The following MEIS1 variants were observed in gnomAD, a reference collection of about 807,000 sequenced individuals.
MEIS1 encodes the protein Meis homeobox 1.
MEIS1 carries 5 observed loss-of-function variants against 50.8 expected under a neutral mutation model. The ratio of observed to expected loss-of-function variants is 0.10; its 90% confidence interval spans 0.05 to 0.21. The LOEUF (loss-of-function observed/expected upper bound fraction) is 0.21, where lower values mean the gene tolerates loss of function less well. Among genes scored for constraint, MEIS1 ranks in the 10% least tolerant of loss-of-function variants. MEIS1 has a pLI of 1.00. For synonymous variants in MEIS1, 176 were observed against 179.3 expected, an observed-to-expected ratio of 0.98 and a Z score of 0.15; for missense variants, 318 against 517.3, an observed-to-expected ratio of 0.61 and a Z score of 3.74.
chr2:66,511,069 G>A (rs561971364), intron 7 of MEIS1, among the ~76,000 whole-genome samples: 1 of 152,212 alleles, frequency 6.6e-6, no homozygotes, highest in African/African-American at 2.4e-5. Context: ...TTTGGGCCCA[G>A]ATCAACCTGT....
At chr2:66,472,673 G>A (rs1021561851) in intron 7 of MEIS1, among the ~76,000 whole-genome samples, 2 of 152,194 alleles carry the variant, frequency 1.3e-5, no homozygotes, top group South Asian at 2.1e-4. Flanking sequence ...ACACAGCGTG[G>A]TGGGTATTAG....
At chr2:66,563,842 A>T (rs1572907755) in intron 9 of MEIS1, among the ~76,000 whole-genome samples, 2 of 152,182 alleles carry the variant, frequency 1.3e-5, no homozygotes, top group African/African-American at 4.8e-5. Flanking sequence ...CATAATTCCA[A>T]AGAGAGAGGA....
chr2:66,536,504 A>G (rs1290471405), intron 8 of MEIS1, among the ~76,000 whole-genome samples: 1 of 152,254 alleles, frequency 6.6e-6, no homozygotes, highest in East Asian at 1.9e-4. Context: ...TTTGTTATAC[A>G]AAAGAACTGC....
chr2:66,564,918 C>T lies in MEIS1; in HGVS notation c.966-2535C>T, dbSNP rs142359444. On this transcript the variant is annotated intron_variant, in intron 9 of 12. Transcript: ENST00000272369. ...TTGCCACTGAAAGTAATGGCAAGAC[C>T]GCAATTACTTTTGCACCAACATAAA... Among the ~76,000 whole-genome samples the T allele has an allele frequency of 6.0e-3, 915 of 151,580 alleles. 10 individuals are homozygous for T. Among genetic ancestry groups the T allele is most frequent in the African/African-American group, 0.021 (873 of 41,332 alleles).
chr2:66,571,695 G>T lies in MEIS1; in HGVS notation c.*487G>T. On this transcript the variant is annotated 3_prime_UTR_variant, in exon 13 of 13. Transcript: ENST00000272369. Reference sequence around the variant, plus strand: ...GAAATACCAACTGAAGTCAATTTGGGGGACATGCTAAATAACTATATAAGA... The same window carrying T: ...GAAATACCAACTGAAGTCAATTTGGTGGACATGCTAAATAACTATATAAGA... The T allele has an allele frequency of 1.4e-6, 1 of 699,440 alleles. No individual in the cohort carries two copies. The highest frequency in any genetic ancestry group is 2.4e-6 in the Non-Finnish European group (1 of 424,588). The allele number at this position is 699,440 out of a possible 1,614,324, so 43.3% of individuals were successfully genotyped here.
chr2:66,519,637 G>A (rs1674063367), intron 8 of MEIS1, among the ~76,000 whole-genome samples: 1 of 152,058 alleles, frequency 6.6e-6, no homozygotes, highest in South Asian at 2.1e-4. Context: ...ATTGCAAAAC[G>A]CCTTCACTCA....
At chr2:66,557,917 C>T (rs1675108140) in intron 9 of MEIS1, among the ~76,000 whole-genome samples, 1 of 152,158 alleles carries the variant, frequency 6.6e-6, no homozygotes, top group African/African-American at 2.4e-5. Context: ...CTTCTCACTA[C>T]ACACTGCTCT....
chr2:66,450,399 G>A (rs939136), intron 6 of MEIS1, among the ~76,000 whole-genome samples: 1 of 152,026 alleles, frequency 6.6e-6, no homozygotes, highest in South Asian at 2.1e-4. Flanking sequence ...CTTGTGCTGA[G>A]GAGCTGCCAG....
intron 8 of MEIS1, among the ~76,000 whole-genome samples, chr2:66,546,826 T>C (rs1002626102): frequency 2.6e-5 from 4 of 152,154 alleles, no homozygotes; most frequent in Non-Finnish European, 4.4e-5. Context: ...ATATTTAAAC[T>C]TACATATAAG....
intron 8 of MEIS1, among the ~76,000 whole-genome samples, chr2:66,522,091 G>T (rs946873308): frequency 6.6e-6 from 1 of 152,206 alleles, no homozygotes; most frequent in African/African-American, 2.4e-5. Flanking sequence ...AATACTGTAC[G>T]AACTTGATTA....
intron 7 of MEIS1, among the ~76,000 whole-genome samples, chr2:66,506,790 C>G (rs1373034892): frequency 6.6e-6 from 1 of 152,064 alleles, no homozygotes; most frequent in Non-Finnish European, 1.5e-5. Context: ...AAACATTATC[C>G]CACCTGAATT....
Position 66,440,631 on chromosome 2 carries a change from T to C in MEIS1, c.432+19T>C, listed in dbSNP as rs1467127294. ...TAACTTGGTAAGAGCGGACCCCTAT[T>C]TCCCTCCCCCGCCCCCGACCCCCTA... is the stretch of plus-strand genomic sequence containing the variant. On this transcript the variant is annotated intron_variant, in intron 4 of 12. Transcript: ENST00000272369. 6.3e-7 allele frequency: 1 copy of C among 1,580,772 alleles called. No individual in the cohort carries two copies. Among genetic ancestry groups the C allele is most frequent in the Non-Finnish European group, 8.6e-7 (1 of 1,158,108 alleles).
At chr2:66,500,417 T>TTTTATTTA (rs1290399426) in intron 7 of MEIS1, among the ~76,000 whole-genome samples, 1 of 152,076 alleles carries the variant, frequency 6.6e-6, no homozygotes, top group African/African-American at 2.4e-5. Flanking sequence ...CTTTTTAAAT[T>TTTTATTTA]TTTATTTATT....
chr2:66,496,678 C>A (rs1276050372), intron 7 of MEIS1, among the ~76,000 whole-genome samples: 1 of 152,200 alleles, frequency 6.6e-6, no homozygotes, highest in South Asian at 2.1e-4. Context: ...GGGCTTCTCT[C>A]AGGCCATGCC....
intron 6 of MEIS1, among the ~76,000 whole-genome samples, chr2:66,451,215 G>T (rs957142782): frequency 2.6e-5 from 4 of 152,052 alleles, no homozygotes; most frequent in African/African-American, 9.7e-5. Flanking sequence ...GCCCCTTTGT[G>T]TTCTTCCTCT....
chr2:66,479,532 A>AT (rs904759141), intron 7 of MEIS1, among the ~76,000 whole-genome samples: 21 of 152,306 alleles, frequency 1.4e-4, no homozygotes, highest in African/African-American at 3.4e-4. Context: ...TGATAATATG[A>AT]TTTTTTTGAA....
At chr2:66,542,616 G>A (rs1005534554) in intron 8 of MEIS1, among the ~76,000 whole-genome samples, 4 of 152,086 alleles carry the variant, frequency 2.6e-5, no homozygotes, top group Non-Finnish European at 5.9e-5. Context: ...TTGCAGTTTC[G>A]GTATAGAGGC....
chr2:66,473,397 A>AAAAAAAAAAAAAATATATATATATATAT, intron 7 of MEIS1, among the ~76,000 whole-genome samples: 10 of 107,574 alleles, frequency 9.3e-5, no homozygotes, highest in African/African-American at 4.1e-4. Flanking sequence ...AAAAAAAAAA[A>AAAAAAAAAAAAAATATATATATATATAT]ATATATATAT....
intron 7 of MEIS1, among the ~76,000 whole-genome samples, chr2:66,507,461 G>A (rs966748102): frequency 3.3e-5 from 5 of 152,224 alleles, no homozygotes; most frequent in African/African-American, 1.2e-4. Flanking sequence ...GCAGTTGAAA[G>A]TTCATCTCCT....
Sources: gnomAD v4.1 joint callset for allele counts (sites outside exome capture counted in the v4.1 genomes callset) on GRCh38, gnomAD v4.1.1 for gene constraint, MANE v1.5 for transcripts, NCBI Gene and HGNC (gene_info 2026-07-23, HGNC 2026-07-21) for gene names.